The following SLCO1B1 variants were observed in gnomAD, a reference collection of about 807,000 sequenced individuals.
SLCO1B1 encodes solute carrier organic anion transporter family member 1B1.
SLCO1B1 carries 81 observed loss-of-function variants against 70.1 expected under a neutral mutation model. The ratio of observed to expected loss-of-function variants is 1.16; its 90% CI spans 0.97 to 1.39. The LOEUF (loss-of-function observed/expected upper bound fraction) is 1.39, where lower values mean the gene tolerates loss of function less well. SLCO1B1 is among the 40% of genes most tolerant of loss of function. SLCO1B1 has a pLI of 0.00. For synonymous variants in SLCO1B1, 283 were observed against 271.5 expected (o/e 1.04, Z -0.42); for missense variants, 895 against 799.6 (o/e 1.12, Z -1.44).
chr12:21,159,782 A>G (rs1419559988), intron 2 of SLCO1B1, among the ~76,000 whole-genome samples: 1 of 152,142 alleles, frequency 6.6e-6, no homozygotes, highest in East Asian at 1.9e-4. Context: ...AAGTTACAGG[A>G]CACAAAATCA....
chr12:21,194,351 G>A (rs561730131), intron 7 of SLCO1B1, among the ~76,000 whole-genome samples: 42 of 152,170 alleles, frequency 2.8e-4, no homozygotes, highest in Non-Finnish European at 4.7e-4. Context: ...ACAGAGGTGA[G>A]ACTAGTGATT....
chr12:21,216,882 G>A (rs1348794642), intron 11 of SLCO1B1, among the ~76,000 whole-genome samples: 1 of 152,028 alleles, frequency 6.6e-6, no homozygotes, highest in African/African-American at 2.4e-5. Flanking sequence ...TTGTTTCTTA[G>A]TTTTAAAATT....
intron 7 of SLCO1B1, among the ~76,000 whole-genome samples, chr12:21,186,479 A>G (rs1188152660): frequency 6.6e-6 from 1 of 152,044 alleles, no homozygotes; most frequent in Admixed American, 6.6e-5. Flanking sequence ...CAATACTGTC[A>G]ACTTTGAATA....
intron 14 of SLCO1B1, among the ~76,000 whole-genome samples, chr12:21,234,703 G>A (rs1210767808): frequency 6.6e-6 from 1 of 152,120 alleles, no homozygotes. Context: ...ACTTTATGCT[G>A]TTGAAGCTAT....
At chr12:21,226,641 T>C (rs2121196671) in intron 14 of SLCO1B1, among the ~76,000 whole-genome samples, 1 of 152,260 alleles carries the variant, frequency 6.6e-6, no homozygotes, top group African/African-American at 2.4e-5. Flanking sequence ...CATGATGTTA[T>C]GTATTTGTCA....
chr12:21,236,726 A>G (rs1941599472), intron 14 of SLCO1B1, among the ~76,000 whole-genome samples: 2 of 152,208 alleles, frequency 1.3e-5, no homozygotes, highest in African/African-American at 2.4e-5. Flanking sequence ...TATGGGCACT[A>G]TAACAGTTCC....
intron 10 of SLCO1B1, among the ~76,000 whole-genome samples, chr12:21,202,936 G>A (rs559430423): frequency 3.1e-4 from 47 of 152,186 alleles, no homozygotes; most frequent in African/African-American, 1.1e-3. Flanking sequence ...ACAATTAGTA[G>A]TGGGTACTTT....
chr12:21,235,441 C>T (rs954655543), intron 14 of SLCO1B1, among the ~76,000 whole-genome samples: 4 of 148,046 alleles, frequency 2.7e-5, no homozygotes, highest in African/African-American at 1.0e-4. Context: ...GGTGTCCTTA[C>T]ATACGAGATG....
chr12:21,210,012 C>T (rs1941261759), intron 11 of SLCO1B1, among the ~76,000 whole-genome samples: 1 of 150,588 alleles, frequency 6.6e-6, no homozygotes, highest in South Asian at 2.1e-4. Flanking sequence ...TGTAGGTTGC[C>T]TGTTCACTCT....
intron 14 of SLCO1B1, among the ~76,000 whole-genome samples, chr12:21,233,135 T>C (rs1226175996): frequency 1.3e-5 from 2 of 152,156 alleles, no homozygotes; most frequent in African/African-American, 4.8e-5. Flanking sequence ...CTATCATCTC[T>C]GATCCACTCA....
intron 2 of SLCO1B1, among the ~76,000 whole-genome samples, chr12:21,157,627 G>C (rs1200472182): frequency 6.8e-6 from 1 of 147,404 alleles, no homozygotes; most frequent in Non-Finnish European, 1.5e-5. Context: ...TTTGAGACAG[G>C]GTCTCACTCT....
intron 8 of SLCO1B1, among the ~76,000 whole-genome samples, chr12:21,197,545 T>A (rs994765594): frequency 6.6e-6 from 1 of 152,104 alleles, no homozygotes; most frequent in African/African-American, 2.4e-5. Context: ...CAACAAGTAG[T>A]ACCAGGAACT....
intron 11 of SLCO1B1, among the ~76,000 whole-genome samples, chr12:21,213,044 G>A (rs1441500531): frequency 3.3e-5 from 5 of 151,368 alleles, no homozygotes; most frequent in African/African-American, 1.2e-4. Flanking sequence ...TCTTTTAATT[G>A]GAGCATTTAG....
chr12:21,205,758 C>CTTT (rs1591819900), intron 10 of SLCO1B1, 110 bp from the exon 11 acceptor site: 1 of 678,940 alleles, frequency 1.5e-6, no homozygotes, highest in East Asian at 3.3e-5. Context: ...TCTTTATCTA[C>CTTT]TTTTTTTCCC....
intron 1 of SLCO1B1, among the ~76,000 whole-genome samples, chr12:21,132,498 T>C (rs971186923): frequency 7.9e-5 from 12 of 152,192 alleles, no homozygotes; most frequent in Admixed American, 2.0e-4. Context: ...CCAGCACCTG[T>C]TGTTTCCTGA....
chr12:21,233,525 A>G (rs1278994840), intron 14 of SLCO1B1, among the ~76,000 whole-genome samples: 1 of 145,610 alleles, frequency 6.9e-6, no homozygotes, highest in East Asian at 2.0e-4. Context: ...GCTAACCAAC[A>G]CCTCCAAAGG....
chr12:21,192,498 GT>G (rs1941042028), intron 7 of SLCO1B1, among the ~76,000 whole-genome samples: 1 of 151,062 alleles, frequency 6.6e-6, no homozygotes, highest in Admixed American at 6.6e-5. Flanking sequence ...CTAGTTTAAA[GT>G]TTGTCAATTT....
intron 14 of SLCO1B1, among the ~76,000 whole-genome samples, chr12:21,232,374 G>A (rs896125825): frequency 6.6e-6 from 1 of 152,258 alleles, no homozygotes. Flanking sequence ...CTAGATGGCA[G>A]AGACCAAGAG....
At chr12:21,192,095 G>A (rs1295102112) in intron 7 of SLCO1B1, among the ~76,000 whole-genome samples, 2 of 151,870 alleles carry the variant, frequency 1.3e-5, no homozygotes, top group Non-Finnish European at 2.9e-5. Context: ...GTCTTTGTCT[G>A]GCTTTGGTAT....
Sources: gnomAD v4.1 joint callset for allele counts (sites outside exome capture counted in the v4.1 genomes callset) on GRCh38, gnomAD v4.1.1 for gene constraint, MANE v1.5 for transcripts, NCBI Gene and HGNC (gene_info 2026-07-23, HGNC 2026-07-21) for gene names.